Variants in FAT3 observed in about 807,000 individuals in gnomAD.
FAT3 encodes FAT atypical cadherin 3.
A neutral mutation model predicts 310.2 loss-of-function variants in FAT3; 95 were observed. That is an observed-to-expected ratio of 0.31 (90% CI 0.26 to 0.36). The LOEUF (loss-of-function observed/expected upper bound fraction) is 0.36, where lower values mean the gene tolerates loss of function less well. FAT3 is among the 10% of genes least tolerant of loss of function. FAT3 has a pLI of 1.00. For synonymous variants in FAT3, 2,314 were observed against 2,192.9 expected (o/e 1.06, Z -1.54); for missense variants, 5,408 against 5,715.6 (o/e 0.95, Z 1.74).
rs11019894 is a variant in FAT3 at position 92,290,943 on chromosome 11, A to G, written c.-17-61153A>G. ...ACATAATTAGACTGGTGATATTTTA[A>G]ATACTAATTTGAAAGGCTTGAGTTT... On this transcript the variant is annotated intron_variant, in intron 1 of 27. Coordinates refer to ENST00000525166, the MANE Select transcript of FAT3 (RefSeq NM_001367949.2). Among the ~76,000 whole-genome samples the G allele has an allele frequency of 1.6e-3, 241 of 152,196 alleles. 5 individuals carry two copies. In the East Asian group the frequency reaches 0.024, roughly 15 times the overall value.
intron 1 of FAT3, among the ~76,000 whole-genome samples, chr11:92,341,300 G>A (rs1386061141): frequency 6.6e-6 from 1 of 152,168 alleles, no homozygotes; most frequent in Non-Finnish European, 1.5e-5. Flanking sequence ...TGGAGATGGA[G>A]GGTAGTTGAG....
At chr11:92,626,154 A>G (rs1303077568) in intron 3 of FAT3, among the ~76,000 whole-genome samples, 1 of 152,198 alleles carries the variant, frequency 6.6e-6, no homozygotes, top group Non-Finnish European at 1.5e-5. Flanking sequence ...AGCAGCCCCA[A>G]AGCCTGAGTG....
At chr11:92,568,005 A>G (rs1161683791) in intron 3 of FAT3, among the ~76,000 whole-genome samples, 2 of 152,152 alleles carry the variant, frequency 1.3e-5, no homozygotes, top group Admixed American at 6.6e-5. Context: ...ACTAACCTGC[A>G]CATTGTGCAC....
intron 1 of FAT3, among the ~76,000 whole-genome samples, chr11:92,280,152 G>C (rs1024331668): frequency 1.2e-4 from 19 of 152,258 alleles, no homozygotes; most frequent in East Asian, 7.7e-4. Context: ...CCAAGGAAGA[G>C]GGAACATTAG....
At position 92,866,783 on chromosome 11, in the gene FAT3, G is replaced by A. The variant is rs1389364189; in HGVS notation, c.11701G>A (p.Gly3901Ser). The change falls in exon 22 of 28, where the codon GGC (glycine) becomes AGC (serine). Residue 3901 changes from glycine to serine, a missense_variant. Physicochemically the swap from Gly to Ser is moderately conservative, Grantham distance 56. Transcript: ENST00000525166. The stretch of plus-strand genomic sequence containing the variant: ...GTGGTTCCAGCTGGACTGCGGCAGC[G>A]GCCCTGGAATCTTGGGCATCTCGGG... ...KLWFQLDCGSGPGILGISGRA... is the reference protein window; with the variant it reads ...KLWFQLDCGSSPGILGISGRA... 2 of 1,613,746 alleles carry A rather than the reference G, an allele frequency of 1.2e-6. No homozygotes were observed. The highest frequency in any genetic ancestry group is 1.3e-5 in the African/African-American group (1 of 75,022).
chr11:92,798,571 T>C lies in FAT3; in HGVS notation c.5558T>C (p.Val1853Ala). ...TIAHFHFHVH[V>A]RDSGSPQLTA... ...GCCCATTTCCATTTTCATGTGCATG[T>C]GAGAGACAGTGGTAGCCCCCAACTG... Residue 1853 changes from valine (V) to alanine (A), a missense_variant, in exon 10 of 28, where the codon GTG (valine) becomes GCG (alanine). Val to Ala is a moderately conservative substitution (Grantham distance 64, BLOSUM62 0). Transcript: ENST00000525166. 6.2e-7 allele frequency: 1 copy of C among 1,613,710 alleles called. No homozygotes were observed. The highest frequency in any genetic ancestry group is 8.5e-7 in the Non-Finnish European group (1 of 1,179,760).
chr11:92,434,859 T>C (rs1375074296), intron 2 of FAT3, among the ~76,000 whole-genome samples: 1 of 152,158 alleles, frequency 6.6e-6, no homozygotes, highest in African/African-American at 2.4e-5. Context: ...AAAATCAGTG[T>C]CCTCATATAT....
intron 19 of FAT3, 66 bp downstream of exon 19, chr11:92,844,798 C>T (rs901722749): frequency 7.1e-7 from 1 of 1,404,570 alleles, no homozygotes; most frequent in Admixed American, 2.7e-5. Flanking sequence ...AGTTACCATT[C>T]CAGCATGCCT....
intron 3 of FAT3, among the ~76,000 whole-genome samples, chr11:92,589,677 G>A (rs774390942): frequency 2.6e-5 from 4 of 151,184 alleles, no homozygotes; most frequent in Non-Finnish European, 1.5e-5. Flanking sequence ...TTTCTCTCTC[G>A]CTCTCCCCCA....
chr11:92,333,193 G>C (rs1012232094), intron 1 of FAT3, among the ~76,000 whole-genome samples: 5 of 152,188 alleles, frequency 3.3e-5, no homozygotes, highest in Admixed American at 1.3e-4. Context: ...GAGGAATGAA[G>C]AGGTCAAATA....
chr11:92,463,377 G>T (rs1951681817), intron 2 of FAT3, among the ~76,000 whole-genome samples: 2 of 152,148 alleles, frequency 1.3e-5, no homozygotes, highest in Non-Finnish European at 2.9e-5. Flanking sequence ...AAGACTACCT[G>T]TCTACAAATT....
intron 1 of FAT3, among the ~76,000 whole-genome samples, chr11:92,227,288 G>A (rs1301027275): frequency 6.6e-6 from 1 of 152,228 alleles, no homozygotes; most frequent in Non-Finnish European, 1.5e-5. Context: ...GGGAGGAAGG[G>A]GCGGGGGAGC....
At chr11:92,672,374 A>C (rs936510060) in intron 3 of FAT3, among the ~76,000 whole-genome samples, 2 of 152,194 alleles carry the variant, frequency 1.3e-5, no homozygotes, top group Non-Finnish European at 2.9e-5. Context: ...TAGAAGAAAT[A>C]TCTTTATAGC....
At chr11:92,778,261 G>T (rs1238854520) in intron 7 of FAT3, among the ~76,000 whole-genome samples, 2 of 152,020 alleles carry the variant, frequency 1.3e-5, no homozygotes, top group Non-Finnish European at 2.9e-5. Flanking sequence ...AAACCAACTG[G>T]CATTTTTTAG....
intron 2 of FAT3, among the ~76,000 whole-genome samples, chr11:92,376,087 G>A (rs544206280): frequency 6.6e-6 from 1 of 152,248 alleles, no homozygotes; most frequent in South Asian, 2.1e-4. Context: ...ATATTAGAAA[G>A]CTTTGAAAAA....
At chr11:92,723,879 G>A (rs563493310) in intron 4 of FAT3, among the ~76,000 whole-genome samples, 1 of 152,226 alleles carries the variant, frequency 6.6e-6, no homozygotes, top group East Asian at 1.9e-4. Flanking sequence ...ACAACACGTG[G>A]GAATTCAAGA....
intron 2 of FAT3, among the ~76,000 whole-genome samples, chr11:92,359,734 G>GT (rs1350944579): frequency 2.8e-5 from 4 of 141,184 alleles, no homozygotes; most frequent in African/African-American, 1.1e-4. Flanking sequence ...GCGGTGTTTG[G>GT]TTTTTTGTTC....
intron 3 of FAT3, among the ~76,000 whole-genome samples, chr11:92,604,070 A>T (rs116521221): frequency 0.013 from 1,971 of 152,270 alleles, 44 homozygotes; most frequent in African/African-American, 0.044. Flanking sequence ...CATATTCTTG[A>T]GGTCCTCCTC....
intron 1 of FAT3, among the ~76,000 whole-genome samples, chr11:92,286,953 T>C (rs551832614): frequency 6.6e-6 from 1 of 152,312 alleles, no homozygotes; most frequent in Admixed American, 6.5e-5. Flanking sequence ...GCTCTGTAAA[T>C]AGTGATTAGG....
Sources: gnomAD v4.1 joint callset for allele counts (sites outside exome capture counted in the v4.1 genomes callset) on GRCh38, gnomAD v4.1.1 for gene constraint, MANE v1.5 for transcripts, NCBI Gene and HGNC (gene_info 2026-07-23, HGNC 2026-07-21) for gene names.